Variants in PHACTR1 observed in about 807,000 individuals in gnomAD.
The protein encoded by PHACTR1 is phosphatase and actin regulator 1.
In PHACTR1, 16 loss-of-function variants were observed where a neutral mutation model predicts 69.2. The ratio of observed to expected loss-of-function variants is 0.23; its 90% CI spans 0.16 to 0.35. The LOEUF is 0.35. Among genes scored for constraint, PHACTR1 ranks in the 10% least tolerant of loss-of-function variants. The probability of loss-of-function intolerance (pLI) is 1.00; values close to 1 mark genes in which losing one functional copy is unlikely to be tolerated. For missense variants in PHACTR1, 510 were observed against 734.7 expected (o/e 0.69, Z 3.54); for synonymous variants, 312 against 284.5 (o/e 1.10, Z -0.97).
intron 5 of PHACTR1, among the ~76,000 whole-genome samples, chr6:13,113,245 A>G (rs975151562): frequency 6.6e-6 from 1 of 152,192 alleles, no homozygotes; most frequent in Non-Finnish European, 1.5e-5. Context: ...TTTTAGTAAA[A>G]GATAACTGGT....
At chr6:13,176,787 A>G (rs1296374597) in intron 6 of PHACTR1, among the ~76,000 whole-genome samples, 1 of 152,116 alleles carries the variant, frequency 6.6e-6, no homozygotes, top group Non-Finnish European at 1.5e-5. Flanking sequence ...CAATATATAG[A>G]TATAAAGCAA....
intron 4 of PHACTR1, among the ~76,000 whole-genome samples, chr6:12,966,630 C>T (rs1467383280): frequency 6.6e-6 from 1 of 152,164 alleles, no homozygotes; most frequent in African/African-American, 2.4e-5. Flanking sequence ...ATTCTTTTCT[C>T]CCACAGGAAG....
At chr6:12,830,290 C>T (rs1394664864) in intron 4 of PHACTR1, among the ~76,000 whole-genome samples, 1 of 151,310 alleles carries the variant, frequency 6.6e-6, no homozygotes, top group African/African-American at 2.4e-5. Context: ...TCTTACTCTA[C>T]TCCCTTAGTG....
chr6:12,938,440 A>G (rs1179222970), intron 4 of PHACTR1, among the ~76,000 whole-genome samples: 1 of 152,180 alleles, frequency 6.6e-6, no homozygotes, highest in Non-Finnish European at 1.5e-5. Flanking sequence ...ACCATCAGCA[A>G]TAGCACCACA....
chr6:12,825,573 A>C (rs2026457), intron 4 of PHACTR1, among the ~76,000 whole-genome samples: 2 of 152,008 alleles, frequency 1.3e-5, no homozygotes, highest in African/African-American at 4.8e-5. Context: ...GTGATGATCA[A>C]TCTCATCATT....
intron 5 of PHACTR1, among the ~76,000 whole-genome samples, chr6:13,118,185 G>A (rs1471200251): frequency 3.3e-5 from 5 of 152,122 alleles, no homozygotes; most frequent in East Asian, 1.9e-4. Context: ...TTCCTCCACC[G>A]TTCCTGCCAG....
intron 3 of PHACTR1, among the ~76,000 whole-genome samples, chr6:12,743,995 A>G (rs954910933): frequency 1.3e-5 from 2 of 152,218 alleles, no homozygotes; most frequent in Admixed American, 6.5e-5. Flanking sequence ...ACTCAGGATT[A>G]AGAAACTCAC....
intron 4 of PHACTR1, among the ~76,000 whole-genome samples, chr6:12,756,515 A>G (rs1767340284): frequency 6.6e-6 from 1 of 152,190 alleles, no homozygotes; most frequent in Non-Finnish European, 1.5e-5. Flanking sequence ...TTGAATGATG[A>G]CAGATTAGCA....
chr6:13,081,531 A>G (rs1811374057), intron 5 of PHACTR1, among the ~76,000 whole-genome samples: 1 of 152,178 alleles, frequency 6.6e-6, no homozygotes, highest in African/African-American at 2.4e-5. Context: ...TCAAAAGTGT[A>G]CTTAAAGAAG....
chr6:13,224,074 T>C (rs1426046289), intron 8 of PHACTR1, among the ~76,000 whole-genome samples: 1 of 152,260 alleles, frequency 6.6e-6, no homozygotes, highest in Non-Finnish European at 1.5e-5. Context: ...CCAGCCCATA[T>C]TTATTTCATT....
chr6:12,876,248 T>C (rs1348496176), intron 4 of PHACTR1, among the ~76,000 whole-genome samples: 1 of 152,172 alleles, frequency 6.6e-6, no homozygotes, highest in Non-Finnish European at 1.5e-5. Context: ...GAAAAAATAT[T>C]TATACCCTGC....
chr6:13,234,751 T>C (rs969497948), intron 10 of PHACTR1, among the ~76,000 whole-genome samples: 1 of 152,202 alleles, frequency 6.6e-6, no homozygotes, highest in Non-Finnish European at 1.5e-5. Flanking sequence ...GTCATCTGGA[T>C]TTTTTAATAA....
chr6:13,104,613 A>C (rs1245057887), intron 5 of PHACTR1, among the ~76,000 whole-genome samples: 1 of 152,214 alleles, frequency 6.6e-6, no homozygotes, highest in Non-Finnish European at 1.5e-5. Flanking sequence ...TTAACTTATG[A>C]AACTCTTAAT....
chr6:13,012,290 G>A (rs1293101444), intron 4 of PHACTR1, among the ~76,000 whole-genome samples: 4 of 152,228 alleles, frequency 2.6e-5, no homozygotes, highest in Non-Finnish European at 5.9e-5. Context: ...TCAGTGGATC[G>A]TTGACCTTGT....
Position 13,283,796 on chromosome 6 carries a change from G to C in PHACTR1, c.1650+234G>C, listed in dbSNP as rs450025. On this transcript the variant is annotated intron_variant, in intron 13 of 14. Coordinates refer to ENST00000332995, the MANE Select transcript of PHACTR1 (RefSeq NM_030948.6). The surrounding 1 kb of genome is among the most constrained non-coding windows in gnomAD (Gnocchi z 4.7). Reference sequence around the variant, plus strand: ...TACTGTGCCCATTTTACAGGAGGAGGAGCAGCAGCCTGGGAGGCTGTGCCC... The same window carrying C: ...TACTGTGCCCATTTTACAGGAGGAGCAGCAGCAGCCTGGGAGGCTGTGCCC... 0.16 allele frequency: 88,243 copies of C among 557,480 alleles called. 13,291 individuals are homozygous for C. Among genetic ancestry groups the C allele is most frequent in the African/African-American group, 0.56 (29,321 of 51,916 alleles). The allele number at this position is 557,480 out of a possible 1,614,324, so 34.5% of individuals were successfully genotyped here.
chr6:13,089,566 T>C (rs1318064506), intron 5 of PHACTR1, among the ~76,000 whole-genome samples: 1 of 152,110 alleles, frequency 6.6e-6, no homozygotes, highest in African/African-American at 2.4e-5. Flanking sequence ...ACTTTAGAAA[T>C]TGCCTCATCC....
chr6:12,761,219 G>A (rs1767989929), intron 4 of PHACTR1, among the ~76,000 whole-genome samples: 1 of 152,220 alleles, frequency 6.6e-6, no homozygotes, highest in South Asian at 2.1e-4. Context: ...GATGTGGTCT[G>A]GGTGAATGGG....
chr6:12,730,986 TTTTATTTATTTATTTATTTATTTA>T (rs10648753), intron 3 of PHACTR1, among the ~76,000 whole-genome samples: 2 of 137,948 alleles, frequency 1.4e-5, no homozygotes, highest in African/African-American at 5.4e-5. Context: ...ATATTACCTT[TTTTATTTATTTATTTATTTATTTA>T]TTTATTTATT....
chr6:12,977,605 G>A (rs992082954), intron 4 of PHACTR1, among the ~76,000 whole-genome samples: 31 of 152,330 alleles, frequency 2.0e-4, no homozygotes, highest in African/African-American at 7.2e-4. Flanking sequence ...TGAATCATTT[G>A]ATTAGCAATG....
Sources: gnomAD v4.1 joint callset for allele counts (sites outside exome capture counted in the v4.1 genomes callset) on GRCh38, gnomAD v4.1.1 for gene constraint, Gnocchi (gnomAD v3.1) non-coding constraint, MANE v1.5 for transcripts, NCBI Gene and HGNC (gene_info 2026-07-23, HGNC 2026-07-21) for gene names.